HSPG2: variants seen among roughly 807,000 people sequenced by gnomAD.
HSPG2 encodes the protein basement membrane-specific heparan sulfate proteoglycan core protein.
HSPG2 carries 278 observed loss-of-function variants against 526.6 expected under a neutral mutation model. The ratio of observed to expected loss-of-function variants is 0.53; its 90% CI spans 0.48 to 0.58. The LOEUF (loss-of-function observed/expected upper bound fraction) is 0.58. Ranked by LOEUF, HSPG2 falls within the 20% of genes least tolerant of loss-of-function variation. The probability of loss-of-function intolerance (pLI) is 0.00; values close to 1 mark genes in which losing one functional copy is unlikely to be tolerated. For synonymous variants in HSPG2, 2,465 were observed against 2,555.4 expected (o/e 0.96, Z 1.07); for missense variants, 5,354 against 6,099.5 (o/e 0.88, Z 4.07).
In HSPG2 at chr1:21,824,826, A is replaced by C; in HGVS notation, c.12590-47T>G. 1 of 1,538,528 alleles carries C rather than the reference A, an allele frequency of 6.5e-7. No homozygotes were observed. The highest frequency in any genetic ancestry group is 8.9e-7 in the Non-Finnish European group (1 of 1,124,358). On this transcript the variant is annotated intron_variant, in intron 91 of 96. Coordinates refer to ENST00000374695, the MANE Select transcript of HSPG2 (RefSeq NM_005529.7). This position sits in a 1 kb window ranked among gnomAD's most constrained non-coding sequence, Gnocchi z 5.9. ...TGCCATACCTGCTGCATCAGGCATC[A>C]AAATCCCCCGTCAGTTCCCCTGACC...
intron 33 of HSPG2, among the ~76,000 whole-genome samples, chr1:21,866,537 T>C (rs755625864): frequency 4.6e-5 from 7 of 152,192 alleles, no homozygotes; most frequent in Non-Finnish European, 1.0e-4. Flanking sequence ...AAAGCCCTAA[T>C]GAGCCCCTGG....
At position 21,841,292 on chromosome 1, in the gene HSPG2, G is replaced by A. The variant is rs2270695; in HGVS notation, c.9329-7C>T. On this transcript the variant is annotated splice_polypyrimidine_tract_variant and splice_region_variant and intron_variant, in intron 70 of 96. Transcript: ENST00000374695. ...ACGGACACTGTAGGGGGCCCTGTGC[G>A]GAGGAATGACAACCACTGACACACA... The A allele has an allele frequency of 0.015, 24,715 of 1,613,332 alleles. 1,100 individuals carry two copies. The East Asian group carries it at 0.18, about 12-fold the overall frequency.
chr1:21,879,246 G>T, intron 17 of HSPG2, 125 bp from the exon 18 acceptor site: 1 of 1,143,464 alleles, frequency 8.7e-7, no homozygotes, highest in East Asian at 2.4e-5. Context: ...TGCAGACAGG[G>T]GAGCATCAAC....
At position 21,859,679 on chromosome 1, in the gene HSPG2, G is replaced by C; in HGVS notation, c.5183-3C>G. 6.2e-7 allele frequency: 1 copy of C among 1,605,300 alleles called. No individual in the cohort carries two copies. Among genetic ancestry groups the C allele is most frequent in the Non-Finnish European group, 8.5e-7 (1 of 1,176,044 alleles). ...GCTGGGGAAGTGGAGCTCGGAGCCT[G>C]GTGGGGAGGAGACAAGAGCTTGTTG... On this transcript the variant is annotated splice_region_variant and splice_polypyrimidine_tract_variant and intron_variant, in intron 41 of 96. Coordinates refer to ENST00000374695, the MANE Select transcript of HSPG2 (RefSeq NM_005529.7). This position sits in a 1 kb window ranked among gnomAD's most constrained non-coding sequence, Gnocchi z 5.3.
In HSPG2 at chr1:21,880,979, G is replaced by A; in HGVS notation, c.1819-144C>T. The stretch of plus-strand genomic sequence containing the variant: ...TGCCAGGCACTGAGCTAGGCACAGG[G>A]AAACCGAGATGGGCGAGACTCAGGC... On this transcript the variant is annotated intron_variant, in intron 14 of 96. Transcript: ENST00000374695. 6 of 909,172 alleles carry A rather than the reference G, an allele frequency of 6.6e-6. No homozygotes were observed. In the South Asian group the frequency reaches 8.5e-5, roughly 13 times the overall value. The allele number at this position is 909,172 out of a possible 1,614,324, so 56.3% of individuals were successfully genotyped here.
intron 33 of HSPG2, among the ~76,000 whole-genome samples, chr1:21,866,219 C>T (rs1310595871): frequency 1.3e-5 from 2 of 152,338 alleles, no homozygotes; most frequent in South Asian, 2.1e-4. Flanking sequence ...GGCAGCCCCT[C>T]GGAGGCCTTG....
chr1:21,832,146 G>A (rs928564098), intron 81 of HSPG2, among the ~76,000 whole-genome samples: 3 of 152,128 alleles, frequency 2.0e-5, no homozygotes, highest in Non-Finnish European at 4.4e-5. Context: ...TTCTTCCCCA[G>A]TGAGAATACA....
chr1:21,872,431 G>T lies in HSPG2; in HGVS notation c.4030-54C>A. The stretch of plus-strand genomic sequence containing the variant: ...GCCTGAGCACCGGGGTGCCTTGGTG[G>T]GGGATGGGGCACGGGAGGGTGTTAA... On this transcript the variant is annotated intron_variant, in intron 32 of 96. Coordinates refer to ENST00000374695, the MANE Select transcript of HSPG2 (RefSeq NM_005529.7). The surrounding 1 kb of genome is among the most constrained non-coding windows in gnomAD (Gnocchi z 5.5). 2 of 1,496,246 alleles carry T rather than the reference G, an allele frequency of 1.3e-6. No individual in the cohort carries two copies. The highest frequency in any genetic ancestry group is 1.8e-6 in the Non-Finnish European group (2 of 1,104,480). The allele number at this position is 1,496,246 out of a possible 1,614,324, so 92.7% of individuals were successfully genotyped here.
In HSPG2 at chr1:21,857,044, T is replaced by C. The variant is rs890083243; in HGVS notation, c.5546A>G (p.Asp1849Gly). ...CACATGTAGAGTGGCTGTGCCCTGG[T>C]CCATGGCAAACATGTTGGAGCCGGT... ...VCTGSNMFAM[D>G]QGTATLHVQA... The change falls in exon 44 of 97, where the codon GAC (aspartate) becomes GGC (glycine). Residue 1849 changes from aspartate (D) to glycine (G), a missense_variant. Asp to Gly is a moderately conservative substitution (Grantham distance 94). Coordinates refer to ENST00000374695, the MANE Select transcript of HSPG2 (RefSeq NM_005529.7). 1.9e-6 allele frequency: 3 copies of C among 1,614,006 alleles called. No individual in the cohort carries two copies. In the African/African-American group the frequency reaches 4.0e-5, roughly 22 times the overall value.
chr1:21,870,388 T>C, intron 33 of HSPG2: 1 of 656,526 alleles, frequency 1.5e-6, no homozygotes, highest in Non-Finnish European at 1.9e-6. Flanking sequence ...CAGGGTCCTC[T>C]ACCCACGGAC....
At chr1:21,842,717 C>A in intron 67 of HSPG2, 53 bp downstream of exon 67, 1 of 1,608,506 alleles carries the variant, frequency 6.2e-7, no homozygotes, top group Non-Finnish European at 8.5e-7. Flanking sequence ...CAGAAAGCAA[C>A]TGCAGGTCTA....
rs1640148688 is a variant in HSPG2 at position 21,865,403 on chromosome 1, G to A, written c.4315-38C>T. On this transcript the variant is annotated intron_variant, in intron 34 of 96. Transcript: ENST00000374695. This position sits in a 1 kb window ranked among gnomAD's most constrained non-coding sequence, Gnocchi z 5.4. ...CAGCAGGATTGGAAGGGGAGCCGAG[G>A]GGTCCCTGGGGTGCCAGGGTGTCCT... 1.3e-6 allele frequency: 2 copies of A among 1,591,168 alleles called. No individual in the cohort carries two copies. The highest frequency in any genetic ancestry group is 1.7e-6 in the Non-Finnish European group (2 of 1,159,894).
rs752642571 is a variant in HSPG2 at position 21,885,341 on chromosome 1, G to A, written c.1189C>T (p.Arg397Trp). Residue 397 changes from arginine (R) to tryptophan (W), a missense_variant, in exon 10 of 97, where the codon CGG (arginine) becomes TGG (tryptophan). Coordinates refer to ENST00000374695, the MANE Select transcript of HSPG2 (RefSeq NM_005529.7). ...HCDEESDCPD[R>W]SDEFGCMPPQ... ...TCACTGCAGCCAAACTCGTCGCTCCGGTCAGGACAGTCGCTCTCCTCGTCA... is the reference window on the plus strand; with the variant it reads ...TCACTGCAGCCAAACTCGTCGCTCCAGTCAGGACAGTCGCTCTCCTCGTCA... 2.4e-5 allele frequency: 39 copies of A among 1,613,890 alleles called. No homozygotes were observed. The South Asian group carries it at 3.0e-4, about 12-fold the overall frequency.
Position 21,828,940 on chromosome 1 carries a change from C to G in HSPG2, c.12132G>C (p.Gln4044His), listed in dbSNP as rs1484469429. The G allele has an allele frequency of 9.5e-6, 15 of 1,573,718 alleles. No individual in the cohort carries two copies. The highest frequency in any genetic ancestry group is 1.3e-5 in the Non-Finnish European group (15 of 1,159,794). ...PVLRSSPGKS[Q>H]GLNLHTLLYL... ...AGAGCAGGGTGTGCAGGTTGAGGCC[C>G]TGGCTCTTGCCGGGCGAGGAGCGCA... The change falls in exon 88 of 97, where the codon CAG (glutamine) becomes CAC (histidine). Residue 4044 changes from glutamine to histidine, a missense_variant. Physicochemically the swap from Gln to His is conservative, Grantham distance 24 (BLOSUM62 0). Transcript: ENST00000374695. This position sits in a 1 kb window ranked among gnomAD's most constrained non-coding sequence, Gnocchi z 6.0.
In HSPG2 at chr1:21,847,641, C is replaced by T. The variant is rs775188008; in HGVS notation, c.8025+48G>A. ...GAGACAGGGAGCCTGCTCTGCTCAC[C>T]CCAGGAGACCATGGTTCCACCCCCG... On this transcript the variant is annotated intron_variant, in intron 61 of 96. Coordinates refer to ENST00000374695, the MANE Select transcript of HSPG2 (RefSeq NM_005529.7). This position sits in a 1 kb window ranked among gnomAD's most constrained non-coding sequence, Gnocchi z 4.1. 6.2e-7 allele frequency: 1 copy of T among 1,601,724 alleles called. No individual in the cohort carries two copies. Among genetic ancestry groups the T allele is most frequent in the Non-Finnish European group, 8.5e-7 (1 of 1,174,240 alleles).
At chr1:21,836,746 A>G (rs2098027717) in intron 75 of HSPG2, 56 bp downstream of exon 75, 1 of 1,462,086 alleles carries the variant, frequency 6.8e-7, no homozygotes, top group African/African-American at 1.4e-5. Flanking sequence ...AACTCTGCTC[A>G]CTGTGAGCCC....
At chr1:21,891,629 T>G (rs1642370622) in intron 3 of HSPG2, among the ~76,000 whole-genome samples, 1 of 152,066 alleles carries the variant, frequency 6.6e-6, no homozygotes, top group Non-Finnish European at 1.5e-5. Context: ...CTTTTTTTTT[T>G]AGGCAGGGTC....
intron 95 of HSPG2, 136 bp from the exon 96 acceptor site, chr1:21,823,855 C>A: frequency 1.3e-6 from 1 of 790,326 alleles, no homozygotes; most frequent in Non-Finnish European, 2.1e-6. Flanking sequence ...TTTCTTTCCC[C>A]CGCTGAACGA....
At chr1:21,845,488 T>C (rs895307525) in intron 64 of HSPG2, among the ~76,000 whole-genome samples, 3 of 152,130 alleles carry the variant, frequency 2.0e-5, no homozygotes, top group Non-Finnish European at 4.4e-5. Context: ...AAGTGATTCT[T>C]GTGCTTCAGC....
Sources: allele counts gnomAD v4.1 joint callset (sites outside exome capture counted in the v4.1 genomes callset), GRCh38; gene constraint gnomAD v4.1.1; non-coding constraint Gnocchi (gnomAD v3.1); transcripts MANE v1.5; gene names NCBI Gene and HGNC (gene_info 2026-07-23, HGNC 2026-07-21).